The following OR9Q1 variants were observed in gnomAD, a reference collection of about 807,000 sequenced individuals.
OR9Q1 encodes the protein olfactory receptor family 9 subfamily Q member 1.
For synonymous variants in OR9Q1, 153 were observed against 148.6 expected, an observed-to-expected ratio of 1.03 and a Z score of -0.22; for missense variants, 374 against 378.8, an observed-to-expected ratio of 0.99 and a Z score of 0.11.
intron 1 of OR9Q1, chr11:58,031,919 G>C: frequency 1.3e-6 from 2 of 1,506,412 alleles, no homozygotes; most frequent in Non-Finnish European, 9.2e-7. Flanking sequence ...AGGCAGGTGG[G>C]AACCCAGTTT....
At chr11:58,090,557 T>C (rs977994576) in intron 2 of OR9Q1, among the ~76,000 whole-genome samples, 5 of 152,246 alleles carry the variant, frequency 3.3e-5, no homozygotes. Context: ...CAGTATTTTA[T>C]TGCAGATTTT....
chr11:58,102,830 C>T (rs7117784), intron 2 of OR9Q1, among the ~76,000 whole-genome samples: 19,946 of 151,968 alleles, frequency 0.13, 2,109 homozygotes, highest in African/African-American at 0.25. Flanking sequence ...AAATTTTCAG[C>T]TATTATTTCA....
In OR9Q1 at chr11:58,179,613, G is replaced by C; in HGVS notation, c.169G>C (p.Ala57Pro). 6.2e-7 allele frequency: 1 copy of C among 1,613,238 alleles called. No homozygotes were observed. Among genetic ancestry groups the C allele is most frequent in the Non-Finnish European group, 8.5e-7 (1 of 1,179,426 alleles). The change falls in exon 3 of 3, where the codon GCT becomes CCT. Residue 57 changes from alanine to proline, a missense_variant. By Grantham distance (27) the Ala-to-Pro change is conservative (BLOSUM62 -1). Coordinates refer to ENST00000335397, the MANE Select transcript of OR9Q1 (RefSeq NM_001005212.4). ...GATCCTCATGGATCACCAGCTCCACGCTCCAATGTATTTCCTTCTGAGTCA... is the reference window on the plus strand; with the variant it reads ...GATCCTCATGGATCACCAGCTCCACCCTCCAATGTATTTCCTTCTGAGTCA... The part of the protein sequence containing the change: ...ILILMDHQLH[A>P]PMYFLLSHLA...
intron 2 of OR9Q1, among the ~76,000 whole-genome samples, chr11:58,083,617 A>C (rs960534021): frequency 6.7e-6 from 1 of 149,022 alleles, no homozygotes; most frequent in Non-Finnish European, 1.5e-5. Flanking sequence ...TCTTTAATCC[A>C]TCTTGAGTTA....
chr11:58,069,124 C>T (rs1321202600), intron 2 of OR9Q1, among the ~76,000 whole-genome samples: 3 of 152,040 alleles, frequency 2.0e-5, no homozygotes, highest in Non-Finnish European at 4.4e-5. Flanking sequence ...TGCTTTGTGA[C>T]TGTTACTCAA....
At chr11:58,154,943 C>T (rs975813700) in intron 2 of OR9Q1, among the ~76,000 whole-genome samples, 1 of 152,124 alleles carries the variant, frequency 6.6e-6, no homozygotes, top group Non-Finnish European at 1.5e-5. Flanking sequence ...ATTTTAAGGT[C>T]CTGTATCAGC....
chr11:58,157,023 G>A (rs1292413057), intron 2 of OR9Q1, among the ~76,000 whole-genome samples: 1 of 152,124 alleles, frequency 6.6e-6, no homozygotes, highest in African/African-American at 2.4e-5. Flanking sequence ...TATTGTTTCA[G>A]TTGGTCTTAG....
At chr11:58,103,862 A>G (rs1341435531) in intron 2 of OR9Q1, among the ~76,000 whole-genome samples, 2 of 152,078 alleles carry the variant, frequency 1.3e-5, no homozygotes, top group African/African-American at 4.8e-5. Context: ...GCTATAATCC[A>G]TATTAGTAGT....
In OR9Q1 at chr11:58,176,212, A is replaced by G. The variant is rs117410612; in HGVS notation, c.-14-3219A>G. 8.5e-3 allele frequency among the ~76,000 whole-genome samples: 1,297 copies of G among 152,202 alleles called. 6 individuals are homozygous for G. Among genetic ancestry groups the G allele is most frequent in the Non-Finnish European group, 0.014 (931 of 68,022 alleles). On this transcript the variant is annotated intron_variant, in intron 2 of 2. Coordinates refer to ENST00000335397, the MANE Select transcript of OR9Q1 (RefSeq NM_001005212.4). ...GGTGGCAATGGGCATAACTTCTGAC[A>G]TTGTTCTGATGGAAGAAATTAAAGT...
chr11:58,180,855 T>C lies in OR9Q1; in HGVS notation c.*478T>C, dbSNP rs1305424893. 1 of 167,562 alleles carries C rather than the reference T, an allele frequency of 6.0e-6. No individual in the cohort carries two copies. Among genetic ancestry groups the C allele is most frequent in the East Asian group, 1.9e-4 (1 of 5,204 alleles). The allele number at this position is 167,562 out of a possible 1,614,324, so 10.4% of individuals were successfully genotyped here. A position where few individuals can be genotyped will look rare whatever the true frequency, so the allele number is the denominator to read the frequency against. ...CAATCAATTCACTCATCAAACCACCTTTTTTTGATTCATTTCAAGGTGAGT... is the reference window on the plus strand; with the variant it reads ...CAATCAATTCACTCATCAAACCACCCTTTTTTGATTCATTTCAAGGTGAGT... On this transcript the variant is annotated 3_prime_UTR_variant, in exon 3 of 3. Transcript: ENST00000335397.
intron 2 of OR9Q1, among the ~76,000 whole-genome samples, chr11:58,086,559 T>C (rs1181443555): frequency 6.6e-6 from 1 of 151,906 alleles, no homozygotes; most frequent in Non-Finnish European, 1.5e-5. Context: ...TACCATCCCA[T>C]GTTCATTGAA....
At chr11:58,111,216 C>G (rs1034631896) in intron 2 of OR9Q1, among the ~76,000 whole-genome samples, 2 of 152,144 alleles carry the variant, frequency 1.3e-5, no homozygotes, top group Non-Finnish European at 2.9e-5. Flanking sequence ...GCTCCCACCT[C>G]CTTTAGCCTA....
chr11:58,145,442 G>A (rs950293245), intron 2 of OR9Q1: 3 of 152,152 alleles, frequency 2.0e-5, no homozygotes, highest in African/African-American at 7.2e-5. Context: ...GCCCCATCAA[G>A]CCAGAAGTTT....
chr11:58,167,397 CA>C (rs370591386), intron 2 of OR9Q1, among the ~76,000 whole-genome samples: 8 of 152,108 alleles, frequency 5.3e-5, no homozygotes, highest in Admixed American at 2.6e-4. Flanking sequence ...TCTGATAGGG[CA>C]AAATATCTCA....
At chr11:58,107,995 G>A (rs1286717043) in intron 2 of OR9Q1, among the ~76,000 whole-genome samples, 2 of 152,132 alleles carry the variant, frequency 1.3e-5, no homozygotes, top group East Asian at 3.9e-4. Context: ...CCTGAGAGCA[G>A]TAATTGTCAT....
At chr11:58,125,445 C>T (rs1854081816) in intron 2 of OR9Q1, 1 of 152,110 alleles carries the variant, frequency 6.6e-6, no homozygotes, top group Non-Finnish European at 1.5e-5. Flanking sequence ...TGGAATAATT[C>T]AGTTGGATTT....
chr11:58,066,947 G>C (rs2120009190), intron 2 of OR9Q1, among the ~76,000 whole-genome samples: 1 of 152,344 alleles, frequency 6.6e-6, no homozygotes. Context: ...ACTGGGGAGT[G>C]TGTGCTGTCC....
chr11:58,102,022 A>T (rs1329935150), intron 2 of OR9Q1, among the ~76,000 whole-genome samples: 1 of 152,214 alleles, frequency 6.6e-6, no homozygotes, highest in Non-Finnish European at 1.5e-5. Flanking sequence ...CTGGGATTAC[A>T]GGTGTGAGCC....
chr11:58,079,592 A>T (rs922677172), intron 2 of OR9Q1, among the ~76,000 whole-genome samples: 4 of 152,100 alleles, frequency 2.6e-5, no homozygotes, highest in African/African-American at 9.7e-5. Flanking sequence ...AGTGTGGTGG[A>T]AGTGATGTCA....
Sources: allele counts gnomAD v4.1 joint callset (sites outside exome capture counted in the v4.1 genomes callset), GRCh38; gene constraint gnomAD v4.1.1; transcripts MANE v1.5; gene names NCBI Gene and HGNC (gene_info 2026-07-23, HGNC 2026-07-21).